ARHGAP17: variants seen among roughly 807,000 people sequenced by gnomAD.
ARHGAP17 encodes the protein rho GTPase-activating protein 17.
ARHGAP17 carries 57 observed loss-of-function variants against 99.5 expected under a neutral mutation model. The ratio of observed to expected loss-of-function variants is 0.57; its 90% CI spans 0.46 to 0.71. ARHGAP17 has a LOEUF of 0.71. Ranked by LOEUF, ARHGAP17 falls within the 30% of genes least tolerant of loss-of-function variation. The pLI is 0.00. For synonymous variants in ARHGAP17, 417 were observed against 429.6 expected, an observed-to-expected ratio of 0.97 and a Z score of 0.36; for missense variants, 1,000 against 1,122.4, an observed-to-expected ratio of 0.89 and a Z score of 1.56.
intron 1 of ARHGAP17, among the ~76,000 whole-genome samples, chr16:24,982,240 C>T (rs1285263551): frequency 6.6e-6 from 1 of 151,886 alleles, no homozygotes; most frequent in Admixed American, 6.6e-5. Context: ...CTCATCTCTA[C>T]TAAAAATACA....
At chr16:24,952,469 T>C (rs1222164990) in intron 11 of ARHGAP17, 99 bp from the exon 12 acceptor site, 2 of 864,230 alleles carry the variant, frequency 2.3e-6, no homozygotes, top group African/African-American at 1.7e-5. Context: ...AATAACGATC[T>C]TCCAAGGTGT....
Position 24,931,410 on chromosome 16 carries a change from CA to C in ARHGAP17, c.1895-7del. ...TGGAGCGGGTTTTTTAACAGCTGCACAAAAAGAGAAAAAACACCTTTCAGTA... is the reference window on the plus strand; with the variant it reads ...TGGAGCGGGTTTTTTAACAGCTGCACAAAAGAGAAAAAACACCTTTCAGTA... On this transcript the variant is annotated splice_polypyrimidine_tract_variant and splice_region_variant and intron_variant, in intron 18 of 19. Coordinates refer to ENST00000289968, the MANE Select transcript of ARHGAP17 (RefSeq NM_001006634.3). 5 of 1,498,134 alleles carry C rather than the reference CA, an allele frequency of 3.3e-6. No individual in the cohort carries two copies. The highest frequency in any genetic ancestry group is 4.4e-6 in the Non-Finnish European group (5 of 1,126,438). The allele number at this position is 1,498,134 out of a possible 1,614,324, so 92.8% of individuals were successfully genotyped here. A position where few individuals can be genotyped will look rare whatever the true frequency, so the allele number is the denominator to read the frequency against.
chr16:24,943,641 G>A, intron 15 of ARHGAP17, 130 bp downstream of exon 15: 1 of 752,638 alleles, frequency 1.3e-6, no homozygotes, highest in South Asian at 1.8e-5. Context: ...ACAAAGGCTG[G>A]AAAGAAACAT....
At chr16:25,003,651 C>T (rs970051028) in intron 1 of ARHGAP17, among the ~76,000 whole-genome samples, 1 of 151,972 alleles carries the variant, frequency 6.6e-6, no homozygotes. Flanking sequence ...TGGTGAAACC[C>T]TGTCTCTACT....
intron 2 of ARHGAP17, 72 bp downstream of exon 2, chr16:24,978,894 G>C: frequency 2.0e-6 from 2 of 1,005,688 alleles, no homozygotes; most frequent in Non-Finnish European, 1.4e-6. Flanking sequence ...AAGCCCACAG[G>C]CCTCAATTCT....
At chr16:24,940,777 A>T (rs1597378668) in intron 16 of ARHGAP17, among the ~76,000 whole-genome samples, 1 of 152,154 alleles carries the variant, frequency 6.6e-6, no homozygotes, top group Non-Finnish European at 1.5e-5. Context: ...GAGAGGGTGG[A>T]AGGAAGGCTG....
At chr16:24,999,827 A>G (rs1219145872) in intron 1 of ARHGAP17, among the ~76,000 whole-genome samples, 1 of 152,166 alleles carries the variant, frequency 6.6e-6, no homozygotes, top group Admixed American at 6.5e-5. Context: ...TATTTTTTAC[A>G]TGAAAGCTTT....
intron 6 of ARHGAP17, among the ~76,000 whole-genome samples, chr16:24,966,967 G>A (rs917913196): frequency 1.3e-4 from 20 of 152,326 alleles, no homozygotes; most frequent in Admixed American, 5.2e-4. Flanking sequence ...AAGTCACATG[G>A]AAAGGCCTAT....
chr16:24,975,509 G>T (rs906903297), intron 3 of ARHGAP17, among the ~76,000 whole-genome samples: 1 of 152,204 alleles, frequency 6.6e-6, no homozygotes, highest in Admixed American at 6.5e-5. Context: ...GGTTCCGAGG[G>T]ACAGAGCTTT....
At chr16:24,975,765 A>G (rs2052495850) in intron 3 of ARHGAP17, among the ~76,000 whole-genome samples, 1 of 152,174 alleles carries the variant, frequency 6.6e-6, no homozygotes, top group South Asian at 2.1e-4. Context: ...TGTCACTTCA[A>G]TGTTGCATGG....
At chr16:25,011,494 C>T (rs1399777343) in intron 1 of ARHGAP17, among the ~76,000 whole-genome samples, 1 of 152,092 alleles carries the variant, frequency 6.6e-6, no homozygotes, top group Non-Finnish European at 1.5e-5. Flanking sequence ...CATCTGAGGG[C>T]AGGAGTTTGA....
At chr16:24,942,366 A>G (rs556892322) in intron 15 of ARHGAP17, among the ~76,000 whole-genome samples, 84 of 152,332 alleles carry the variant, frequency 5.5e-4, no homozygotes, top group African/African-American at 1.9e-3. Flanking sequence ...TCAGAATATA[A>G]GTTACACACT....
chr16:24,924,249 A>G (rs1444743379), intron 19 of ARHGAP17, among the ~76,000 whole-genome samples: 2 of 152,188 alleles, frequency 1.3e-5, no homozygotes, highest in African/African-American at 2.4e-5. Context: ...AGACACTTGT[A>G]AGAACCTGGT....
intron 18 of ARHGAP17, 98 bp from the exon 19 acceptor site, chr16:24,931,502 C>T (rs979798597): frequency 2.9e-5 from 36 of 1,250,274 alleles, no homozygotes; most frequent in Non-Finnish European, 3.7e-5. Context: ...TAATAAGGTA[C>T]ACCAGCATCA....
In ARHGAP17 at chr16:25,015,139, T is replaced by TG; in HGVS notation, c.53+69_53+70insC. The TG allele has an allele frequency of 1.4e-5, 17 of 1,195,700 alleles. No homozygotes were observed. In the African/African-American group the frequency reaches 1.7e-4, roughly 12 times the overall value. 74.1% of individuals were successfully genotyped at this position (1,195,700 alleles called of 1,614,324 possible). ...GAGCCGCCGGACCGCGGAGGAGCCG[T>TG]CCCGCCCCCGCGCCCTCCGCCCTCC... On this transcript the variant is annotated intron_variant, in intron 1 of 19. Transcript: ENST00000289968.
chr16:24,982,896 A>C (rs2052715074), intron 1 of ARHGAP17, among the ~76,000 whole-genome samples: 1 of 148,210 alleles, frequency 6.7e-6, no homozygotes, highest in Admixed American at 6.7e-5. Flanking sequence ...GAATTCGTCA[A>C]GACATCTATA....
chr16:25,000,524 C>T (rs1452183492), intron 1 of ARHGAP17, among the ~76,000 whole-genome samples: 3 of 152,070 alleles, frequency 2.0e-5, no homozygotes, highest in Non-Finnish European at 4.4e-5. Context: ...CTGTGAAGTC[C>T]ATAAGATTAT....
chr16:25,006,729 G>A (rs576241256), intron 1 of ARHGAP17, among the ~76,000 whole-genome samples: 1 of 152,300 alleles, frequency 6.6e-6, no homozygotes, highest in African/African-American at 2.4e-5. Context: ...AGCAAGCGGT[G>A]GGCTGGATTT....
At chr16:24,971,285 G>A (rs2052353355) in intron 3 of ARHGAP17, among the ~76,000 whole-genome samples, 1 of 151,304 alleles carries the variant, frequency 6.6e-6, no homozygotes, top group African/African-American at 2.4e-5. Flanking sequence ...GCAATGAAGT[G>A]CTCAATTTCA....
Sources: allele counts gnomAD v4.1 joint callset (sites outside exome capture counted in the v4.1 genomes callset), GRCh38; gene constraint gnomAD v4.1.1; transcripts MANE v1.5; gene names NCBI Gene and HGNC (gene_info 2026-07-23, HGNC 2026-07-21).